WDFY4: variants seen among roughly 807,000 people sequenced by gnomAD.
WDFY4 encodes WD repeat- and FYVE domain-containing protein 4.
WDFY4 carries 169 observed loss-of-function variants against 351.9 expected under a neutral mutation model. The ratio of observed to expected loss-of-function variants is 0.48; its 90% CI spans 0.42 to 0.55. The LOEUF (loss-of-function observed/expected upper bound fraction) is 0.55, where lower values mean the gene tolerates loss of function less well. Ranked by LOEUF, WDFY4 falls within the 20% of genes least tolerant of loss-of-function variation. WDFY4 has a pLI of 0.00. For synonymous variants in WDFY4, 1,622 were observed against 1,574.6 expected (o/e 1.03, Z -0.71); for missense variants, 3,803 against 3,935.6 (o/e 0.97, Z 0.90).
chr10:48,970,152 C>G lies in WDFY4; in HGVS notation c.8791C>G (p.Leu2931Val). The G allele has an allele frequency of 6.4e-7, 1 of 1,551,696 alleles. No individual in the cohort carries two copies. Among genetic ancestry groups the G allele is most frequent in the Non-Finnish European group, 8.7e-7 (1 of 1,147,014 alleles). ...SDKVLMTFEN[L>V]AAWGRCLCAV... ...ACAGGTCCTGATGACATTCGAGAAC[C>G]TGGCTGCCTGGGGCCGCTGTCTGTG... Residue 2931 changes from leucine (L) to valine (V), a missense_variant, in exon 57 of 62, where the codon CTG (leucine) becomes GTG (valine). Leu to Val is a conservative substitution (Grantham distance 32). Coordinates refer to ENST00000325239, the MANE Select transcript of WDFY4 (RefSeq NM_001394531.1).
At position 48,919,866 on chromosome 10, in the gene WDFY4, T is replaced by TA. The variant is rs750292301; in HGVS notation, c.7586+18003_7586+18004insA. ...TACTAGCAATTTGATATGATCTCTT[T>TA]CAAAAAAAAATAGAATAGAGAGTGA... On this transcript the variant is annotated intron_variant, in intron 47 of 61. Coordinates refer to ENST00000325239, the MANE Select transcript of WDFY4 (RefSeq NM_001394531.1). 3.7e-3 allele frequency among the ~76,000 whole-genome samples: 487 copies of TA among 131,506 alleles called. 2 individuals are homozygous for TA. Among genetic ancestry groups the TA allele is most frequent in the Non-Finnish European group, 6.8e-3 (390 of 57,334 alleles). The allele number at this position is 131,506 out of a possible 152,430, so 86.3% of individuals were successfully genotyped here.
At chr10:48,956,848 G>A (rs1167296197) in intron 51 of WDFY4, among the ~76,000 whole-genome samples, 1 of 152,184 alleles carries the variant, frequency 6.6e-6, no homozygotes, top group Non-Finnish European at 1.5e-5. Context: ...TCCTGTTTCT[G>A]ATATGAACTC....
chr10:48,937,691 G>A (rs1038957467), intron 47 of WDFY4, among the ~76,000 whole-genome samples: 1 of 152,296 alleles, frequency 6.6e-6, no homozygotes, highest in Non-Finnish European at 1.5e-5. Context: ...TCCACGTTAG[G>A]GAAATGAAAA....
intron 1 of WDFY4, among the ~76,000 whole-genome samples, chr10:48,707,692 C>T (rs529160783): frequency 1.3e-4 from 20 of 152,244 alleles, no homozygotes; most frequent in African/African-American, 4.3e-4. Context: ...CATTTGCTAA[C>T]TTAAGTGTAT....
rs548784693 is a variant in WDFY4 at position 48,761,601 on chromosome 10, G to A, written c.2553+1161G>A. Among the ~76,000 whole-genome samples, 12 of 152,288 alleles carry A rather than the reference G, an allele frequency of 7.9e-5. No homozygotes were observed. In the South Asian group the frequency reaches 1.7e-3, roughly 21 times the overall value. On this transcript the variant is annotated intron_variant, in intron 13 of 61. Transcript: ENST00000325239. ...AAGGCGACTCTCAAGTGTCTGTCCC[G>A]GCAGAACTAACAGCCTCATTGTGGG...
At chr10:48,780,821 A>T (rs2066195428) in intron 19 of WDFY4, among the ~76,000 whole-genome samples, 1 of 152,192 alleles carries the variant, frequency 6.6e-6, no homozygotes, top group Non-Finnish European at 1.5e-5. Context: ...GCATTTTAAA[A>T]TCACCTGCAA....
At chr10:48,703,202 G>C (rs114780243) in intron 1 of WDFY4, among the ~76,000 whole-genome samples, 1 of 152,126 alleles carries the variant, frequency 6.6e-6, no homozygotes. Flanking sequence ...ATTTTGGAGC[G>C]CTCTAGATTG....
At chr10:48,722,991 C>T (rs1431023633) in intron 4 of WDFY4, among the ~76,000 whole-genome samples, 1 of 152,108 alleles carries the variant, frequency 6.6e-6, no homozygotes, top group Non-Finnish European at 1.5e-5. Flanking sequence ...ATCAGGTCCT[C>T]ACCATTGTTG....
chr10:48,882,584 G>A (rs34546247), intron 43 of WDFY4, among the ~76,000 whole-genome samples: 26,731 of 151,986 alleles, frequency 0.18, 3,006 homozygotes, highest in African/African-American at 0.32. Flanking sequence ...TACACAAAAC[G>A]TGGTGCTGAC....
At chr10:48,811,750 C>G (rs1446710894) in intron 30 of WDFY4, 42 bp downstream of exon 30, 1 of 1,540,806 alleles carries the variant, frequency 6.5e-7, no homozygotes, top group Non-Finnish European at 8.8e-7. Context: ...ACTTGGTTTT[C>G]TGATTCCACA....
intron 44 of WDFY4, among the ~76,000 whole-genome samples, chr10:48,895,056 G>A (rs1416621128): frequency 6.6e-6 from 1 of 152,186 alleles, no homozygotes; most frequent in South Asian, 2.1e-4. Context: ...GGCCTGGGAG[G>A]GTTGTTCTGA....
At chr10:48,874,630 T>G (rs142224413) in intron 41 of WDFY4, among the ~76,000 whole-genome samples, 1 of 152,274 alleles carries the variant, frequency 6.6e-6, no homozygotes, top group Non-Finnish European at 1.5e-5. Flanking sequence ...CCTCACTACA[T>G]TTTTTAGGAA....
Position 48,820,352 on chromosome 10 carries a change from G to A in WDFY4, c.5624G>A (p.Arg1875Lys). 3 of 1,551,644 alleles carry A rather than the reference G, an allele frequency of 1.9e-6. No homozygotes were observed. Among genetic ancestry groups the A allele is most frequent in the Non-Finnish European group, 2.6e-6 (3 of 1,147,006 alleles). The change falls in exon 33 of 62, where the codon AGG (arginine) becomes AAG (lysine). Residue 1875 changes from arginine (R) to lysine (K), a missense_variant. This residue lies in a region of WDFY4 where 3,054 missense variants were observed against 3,148.6 expected (regional missense o/e 0.97). Transcript: ENST00000325239. ...TKAHPARRKL[R>K]EFTQLLLREL... ...GCACATCCCGCCCGGAGGAAGCTGA[G>A]GGAGTTCACGCAGCTCCTCTTGAGG...
intron 7 of WDFY4, among the ~76,000 whole-genome samples, chr10:48,728,497 C>G (rs1318823648): frequency 1.3e-5 from 2 of 152,196 alleles, no homozygotes; most frequent in African/African-American, 4.8e-5. Flanking sequence ...AATGAGACAC[C>G]CTCCTCCTCT....
intron 34 of WDFY4, 63 bp downstream of exon 34, chr10:48,821,239 C>A: frequency 7.5e-7 from 1 of 1,333,062 alleles, no homozygotes; most frequent in African/African-American, 1.5e-5. Flanking sequence ...GGAGAGGAAA[C>A]CAGCATGCTG....
intron 56 of WDFY4, 65 bp downstream of exon 56, chr10:48,969,313 G>A: frequency 6.6e-7 from 1 of 1,525,696 alleles, no homozygotes; most frequent in Non-Finnish European, 8.8e-7. Flanking sequence ...TGGAGGCAGA[G>A]ATGGCCCAGA....
intron 19 of WDFY4, among the ~76,000 whole-genome samples, chr10:48,784,117 G>T (rs879690672): frequency 7.2e-5 from 11 of 152,170 alleles, no homozygotes; most frequent in Admixed American, 3.9e-4. Context: ...GGATGTTTCA[G>T]GTTTTGGCTA....
intron 47 of WDFY4, among the ~76,000 whole-genome samples, chr10:48,917,620 A>G (rs1397581683): frequency 6.6e-6 from 1 of 152,232 alleles, no homozygotes; most frequent in Admixed American, 6.5e-5. Context: ...GAAAAGAACT[A>G]TCAACCCAGA....
At chr10:48,846,529 C>A (rs2940713) in intron 39 of WDFY4, among the ~76,000 whole-genome samples, 9,686 of 152,300 alleles carry the variant, frequency 0.064, 691 homozygotes, top group African/African-American at 0.18. Flanking sequence ...CTGTGAATCA[C>A]TGGCTGAAAA....
Sources: allele counts gnomAD v4.1 joint callset (sites outside exome capture counted in the v4.1 genomes callset), GRCh38; gene constraint gnomAD v4.1.1; regional missense constraint gnomAD v4.1.1; transcripts MANE v1.5; gene names NCBI Gene and HGNC (gene_info 2026-07-23, HGNC 2026-07-21).